The following KLRG1 variants were observed in gnomAD, a reference collection of about 807,000 sequenced individuals.
KLRG1 encodes killer cell lectin like receptor G1.
KLRG1 carries 16 observed loss-of-function variants against 21.8 expected under a neutral mutation model. That is an observed-to-expected ratio of 0.73 (90% CI 0.50 to 1.11). The LOEUF is 1.11. Ranked by LOEUF, KLRG1 falls within the 50% of genes most tolerant of loss-of-function variation. The probability of loss-of-function intolerance (pLI) is 0.00; values close to 1 mark genes in which losing one functional copy is unlikely to be tolerated. For synonymous variants in KLRG1, 69 were observed against 75.9 expected (o/e 0.91, Z 0.47); for missense variants, 173 against 218.3 (o/e 0.79, Z 1.31).
At chr12:8,984,310 C>T (rs1280811677) in intron 1 of KLRG1, among the ~76,000 whole-genome samples, 3 of 152,188 alleles carry the variant, frequency 2.0e-5, no homozygotes, top group Admixed American at 6.5e-5. Context: ...TCAAGTGATT[C>T]TCCTGCCTCA....
chr12:9,046,307 GAGA>G, the KLRG1 span, among the ~76,000 whole-genome samples: 81 of 152,128 alleles, frequency 5.3e-4, no homozygotes, highest in East Asian at 1.9e-4. Flanking sequence ...ATAGCAGAAG[GAGA>G]AGAAGATAAG....
At chr12:9,152,993 G>A in the KLRG1 span, 2 of 1,612,938 alleles carry the variant, frequency 1.2e-6, no homozygotes, top group Non-Finnish European at 1.7e-6. Flanking sequence ...CTCTTTTTCT[G>A]GACCCCTCAC....
the KLRG1 span, among the ~76,000 whole-genome samples, chr12:9,060,094 T>A: frequency 7.2e-6 from 1 of 138,038 alleles, no homozygotes; most frequent in Non-Finnish European, 1.5e-5. Flanking sequence ...AAGCTCCGCC[T>A]CCTGGGTTCA....
At chr12:9,056,840 A>C in the KLRG1 span, among the ~76,000 whole-genome samples, 1 of 152,228 alleles carries the variant, frequency 6.6e-6, no homozygotes, top group African/African-American at 2.4e-5. Flanking sequence ...GGCATAAGCC[A>C]CTGTGCCCAG....
At chr12:9,096,227 C>T in the KLRG1 span, among the ~76,000 whole-genome samples, 1 of 152,166 alleles carries the variant, frequency 6.6e-6, no homozygotes, top group Non-Finnish European at 1.5e-5. Context: ...CCAAACACTC[C>T]ATCTAAGTAC....
At chr12:9,027,270 A>G in the KLRG1 span, among the ~76,000 whole-genome samples, 1 of 152,090 alleles carries the variant, frequency 6.6e-6, no homozygotes, top group Non-Finnish European at 1.5e-5. Context: ...AAAAAAAAAA[A>G]AGTCTACATT....
chr12:9,049,485 T>G, the KLRG1 span, among the ~76,000 whole-genome samples: 1 of 152,154 alleles, frequency 6.6e-6, no homozygotes, highest in African/African-American at 2.4e-5. Flanking sequence ...TAGAATACAT[T>G]GTTTCTAAGA....
At chr12:8,951,805 C>T (rs763849771) in intron 1 of KLRG1, among the ~76,000 whole-genome samples, 2 of 152,230 alleles carry the variant, frequency 1.3e-5, no homozygotes, top group South Asian at 4.2e-4. Flanking sequence ...TTGGTGACTG[C>T]CTAGAGTGGC....
the KLRG1 span, among the ~76,000 whole-genome samples, chr12:9,212,612 G>A: frequency 6.6e-6 from 1 of 152,090 alleles, no homozygotes; most frequent in African/African-American, 2.4e-5. Flanking sequence ...GAAAAGAGTA[G>A]TTTTGTCTTA....
the KLRG1 span, chr12:9,107,487 T>C: frequency 2.5e-6 from 4 of 1,609,228 alleles, no homozygotes; most frequent in African/African-American, 2.7e-5. Flanking sequence ...ACAATGCCTT[T>C]ATCGCTATTC....
chr12:8,986,108 A>G (rs1301948022), upstream of KLRG1, among the ~76,000 whole-genome samples: 2 of 152,202 alleles, frequency 1.3e-5, no homozygotes, highest in Non-Finnish European at 2.9e-5. Context: ...TATGTATAAT[A>G]CCACCCTGGG....
chr12:9,184,246 G>T, the KLRG1 span, among the ~76,000 whole-genome samples: 1 of 152,060 alleles, frequency 6.6e-6, no homozygotes, highest in African/African-American at 2.4e-5. Flanking sequence ...CACTAAGCTC[G>T]CCAACCCCAC....
At chr12:9,005,517 G>A (rs913796407) in intron 3 of KLRG1, among the ~76,000 whole-genome samples, 1 of 152,114 alleles carries the variant, frequency 6.6e-6, no homozygotes, top group African/African-American at 2.4e-5. Context: ...GCATGTTCTC[G>A]CTTATGTGAA....
the KLRG1 span, chr12:9,072,567 G>A: frequency 2.2e-3 from 3,521 of 1,599,500 alleles, 10 homozygotes; most frequent in South Asian, 3.1e-3. Context: ...TCTCTGATCT[G>A]TCCCATTGTT....
the KLRG1 span, chr12:9,168,657 G>A: frequency 2.2e-6 from 1 of 446,450 alleles, no homozygotes; most frequent in Non-Finnish European, 3.9e-6. Flanking sequence ...ATCTGATTTT[G>A]TGCCCTGAAG....
the KLRG1 span, among the ~76,000 whole-genome samples, chr12:9,124,739 A>G: frequency 6.6e-6 from 1 of 152,136 alleles, no homozygotes; most frequent in Admixed American, 6.5e-5. Context: ...CCTCTCCCAG[A>G]GCCTGCTCCA....
At chr12:9,095,917 G>A in the KLRG1 span, among the ~76,000 whole-genome samples, 1,390 of 150,878 alleles carry the variant, frequency 9.2e-3, 20 homozygotes, top group African/African-American at 0.032. Flanking sequence ...CCGCCACCGC[G>A]CCCGGCTAAT....
At position 8,967,712 on chromosome 12, in the gene KLRG1, G is replaced by A. The variant is rs186363094; in HGVS notation, c.-156+17476G>A. ...TTTCTGCACTGCAGCCTGGCCAACA[G>A]AGCTGGACCTTGTCTCAAAAAAAGA... is the stretch of plus-strand genomic sequence containing the variant. On this transcript the variant is annotated intron_variant, in intron 1 of 4. Coordinates refer to the KLRG1 transcript ENST00000539240. 4.7e-4 allele frequency among the ~76,000 whole-genome samples: 71 copies of A among 152,238 alleles called. 2 individuals are homozygous for A. The highest frequency in any genetic ancestry group is 1.7e-3 in the African/African-American group (69 of 41,526).
At chr12:9,014,168 A>G (rs1201607534), downstream of KLRG1, among the ~76,000 whole-genome samples, 1 of 152,192 alleles carries the variant, frequency 6.6e-6, no homozygotes, top group African/African-American at 2.4e-5. Flanking sequence ...AAGAGGAGGT[A>G]GAGACAGAGA....
Sources: allele counts gnomAD v4.1 joint callset (sites outside exome capture counted in the v4.1 genomes callset), GRCh38; gene constraint gnomAD v4.1.1; transcripts MANE v1.5; gene names NCBI Gene and HGNC (gene_info 2026-07-23, HGNC 2026-07-21).